Variants in TAFA1 observed in about 807,000 individuals in gnomAD.
TAFA1 encodes the protein TAFA chemokine like family member 1.
In TAFA1, 4 loss-of-function variants were observed where a neutral mutation model predicts 18.5. The observed-to-expected ratio is 0.22, with a 90% confidence interval of 0.11 to 0.49. TAFA1 has a LOEUF of 0.49. TAFA1 is among the 20% of genes least tolerant of loss of function. TAFA1 has a pLI of 0.98. For missense variants in TAFA1, 147 were observed against 169.0 expected, an observed-to-expected ratio of 0.87 and a Z score of 0.72; for synonymous variants, 56 against 55.2, an observed-to-expected ratio of 1.01 and a Z score of -0.06.
rs2073340071 is a variant in TAFA1 at position 68,539,689 on chromosome 3, G to GGT, written c.384+810_384+811insTG. 5.5e-4 allele frequency among the ~76,000 whole-genome samples: 3 copies of GGT among 5,458 alleles called. 1 individual carries two copies. The highest frequency in any genetic ancestry group is 1.4e-3 in the Non-Finnish European group (3 of 2,132). 3.6% of individuals were successfully genotyped at this position (5,458 alleles called of 152,430 possible). On this transcript the variant is annotated intron_variant, in intron 4 of 4. Transcript: ENST00000478136. ...TCTGTGTGTGTGTGTGGGGGGGCAT[G>GGT]GGGTGGGTGGGTGGGTGTGTGCATG...
upstream of TAFA1, among the ~76,000 whole-genome samples, chr3:68,002,775 C>T (rs907934479): frequency 4.6e-5 from 7 of 152,186 alleles, no homozygotes; most frequent in Admixed American, 1.3e-4. Context: ...TACTACCACA[C>T]AACCTTGTGC....
At chr3:68,492,241 C>T (rs914509569) in intron 3 of TAFA1, among the ~76,000 whole-genome samples, 1 of 152,176 alleles carries the variant, frequency 6.6e-6, no homozygotes, top group African/African-American at 2.4e-5. Context: ...CCCTTTCCCA[C>T]TGTGATTAAG....
At chr3:68,284,076 C>T (rs2067953233) in intron 2 of TAFA1, among the ~76,000 whole-genome samples, 1 of 151,968 alleles carries the variant, frequency 6.6e-6, no homozygotes, top group Non-Finnish European at 1.5e-5. Context: ...TGTAGATACC[C>T]ACCTTGGCCA....
Position 68,448,022 on chromosome 3 carries a change from G to C in TAFA1, c.259+30602G>C, listed in dbSNP as rs145334295. 2.1e-3 allele frequency among the ~76,000 whole-genome samples: 319 copies of C among 152,300 alleles called. 4 individuals are homozygous for C. The highest frequency in any genetic ancestry group is 7.3e-3 in the African/African-American group (305 of 41,572). ...ACACATTCAGTATTATTAAGTGGCA[G>C]AGCTGAGAAGTGAGCTCAGGAATTC... is the stretch of plus-strand genomic sequence containing the variant. On this transcript the variant is annotated intron_variant, in intron 3 of 4. Transcript: ENST00000478136.
chr3:68,082,071 A>G (rs1247927140), intron 2 of TAFA1, among the ~76,000 whole-genome samples: 2 of 152,022 alleles, frequency 1.3e-5, no homozygotes, highest in South Asian at 2.1e-4. Context: ...GAGTGACCCA[A>G]TTTTCCAGTT....
In TAFA1 at chr3:68,004,455, G is replaced by A. The variant is rs528690406; in HGVS notation, c.-251G>A. ...ATGATTTAAAGGTGAAAATGACAAG[G>A]TTTCCACCCCTCAAACCTTGGCTCC... On this transcript the variant is annotated 5_prime_UTR_variant, in exon 1 of 5. Transcript: ENST00000478136. 6.6e-6 allele frequency: 1 copy of A among 152,172 alleles called. No homozygotes were observed. The highest frequency in any genetic ancestry group is 1.5e-5 in the Non-Finnish European group (1 of 68,006). 9.4% of individuals were successfully genotyped at this position (152,172 alleles called of 1,614,324 possible).
At chr3:68,470,309 G>T (rs1364052383) in intron 3 of TAFA1, among the ~76,000 whole-genome samples, 1 of 152,120 alleles carries the variant, frequency 6.6e-6, no homozygotes, top group African/African-American at 2.4e-5. Context: ...TTTATTAGCA[G>T]CATGAGAACA....
intron 3 of TAFA1, among the ~76,000 whole-genome samples, chr3:68,518,718 C>T (rs2072968073): frequency 6.6e-6 from 1 of 152,084 alleles, no homozygotes; most frequent in Non-Finnish European, 1.5e-5. Context: ...GGGAATGGAA[C>T]ATGTAGAGGG....
intron 2 of TAFA1, among the ~76,000 whole-genome samples, chr3:68,102,192 A>G (rs762453446): frequency 1.3e-5 from 2 of 152,146 alleles, no homozygotes; most frequent in Non-Finnish European, 2.9e-5. Flanking sequence ...CATTTTAGGT[A>G]GAAACGTCAA....
At chr3:68,480,050 T>C (rs2072201321) in intron 3 of TAFA1, among the ~76,000 whole-genome samples, 1 of 152,038 alleles carries the variant, frequency 6.6e-6, no homozygotes, top group South Asian at 2.1e-4. Context: ...CAAAGTGTGG[T>C]TCCATGCAAA....
chr3:68,496,159 G>A (rs573199408), intron 3 of TAFA1, among the ~76,000 whole-genome samples: 11 of 152,270 alleles, frequency 7.2e-5, no homozygotes, highest in African/African-American at 2.2e-4. Flanking sequence ...AAAGATCAGC[G>A]TTAACGAGAA....
At chr3:68,207,777 C>T (rs2066544823) in intron 2 of TAFA1, among the ~76,000 whole-genome samples, 1 of 151,970 alleles carries the variant, frequency 6.6e-6, no homozygotes, top group Non-Finnish European at 1.5e-5. Flanking sequence ...TCAGGCACTG[C>T]ATATCTCAGT....
At chr3:68,213,506 G>A (rs903793532) in intron 2 of TAFA1, among the ~76,000 whole-genome samples, 2 of 152,082 alleles carry the variant, frequency 1.3e-5, no homozygotes, top group Admixed American at 1.3e-4. Flanking sequence ...ATTACCAAAA[G>A]TGATACCTTC....
intron 2 of TAFA1, among the ~76,000 whole-genome samples, chr3:68,391,847 G>C (rs2070257290): frequency 6.6e-6 from 1 of 152,060 alleles, no homozygotes; most frequent in South Asian, 2.1e-4. Context: ...CCATACCAGA[G>C]CTCCTGAGGA....
chr3:68,256,865 A>G (rs773609871), intron 2 of TAFA1, among the ~76,000 whole-genome samples: 9 of 152,206 alleles, frequency 5.9e-5, no homozygotes, highest in South Asian at 2.1e-4. Context: ...ATGAGCCACA[A>G]TAGTCACATC....
intron 2 of TAFA1, among the ~76,000 whole-genome samples, chr3:68,306,305 G>A (rs1180894010): frequency 6.6e-6 from 1 of 152,086 alleles, no homozygotes; most frequent in Non-Finnish European, 1.5e-5. Flanking sequence ...TTTTTTTCCA[G>A]TGGGATTAGT....
intron 3 of TAFA1, among the ~76,000 whole-genome samples, chr3:68,497,491 A>T (rs2072568281): frequency 6.6e-6 from 1 of 152,204 alleles, no homozygotes; most frequent in Admixed American, 6.5e-5. Flanking sequence ...ACATAAAGGA[A>T]GGATGAGTAG....
At chr3:68,299,601 A>G (rs560588755) in intron 2 of TAFA1, among the ~76,000 whole-genome samples, 1 of 152,352 alleles carries the variant, frequency 6.6e-6, no homozygotes, top group South Asian at 2.1e-4. Flanking sequence ...CAGGAGCCAA[A>G]TGTTAATCAT....
intron 2 of TAFA1, among the ~76,000 whole-genome samples, chr3:68,279,615 T>C (rs2067861928): frequency 6.6e-6 from 1 of 152,134 alleles, no homozygotes; most frequent in Non-Finnish European, 1.5e-5. Context: ...CTTCTCGGTA[T>C]CCTCCTTCCT....
Sources: gnomAD v4.1 joint callset for allele counts (sites outside exome capture counted in the v4.1 genomes callset) on GRCh38, gnomAD v4.1.1 for gene constraint, MANE v1.5 for transcripts, NCBI Gene and HGNC (gene_info 2026-07-23, HGNC 2026-07-21) for gene names.